Variants in MCOLN3 observed in about 807,000 individuals in gnomAD.
MCOLN3 encodes the protein mucolipin-3.
MCOLN3 carries 62 observed loss-of-function variants against 69.4 expected under a neutral mutation model. The ratio of observed to expected loss-of-function variants is 0.89; its 90% CI spans 0.73 to 1.10. The LOEUF is 1.10. MCOLN3 is among the 50% of genes least tolerant of loss of function. The pLI is 0.00. For missense variants in MCOLN3, 564 were observed against 656.4 expected (o/e 0.86, Z 1.54); for synonymous variants, 183 against 217.0 (o/e 0.84, Z 1.38).
At chr1:85,033,086 T>C in intron 4 of MCOLN3, 130 bp from the exon 5 acceptor site, 1 of 845,566 alleles carries the variant, frequency 1.2e-6, no homozygotes, top group East Asian at 2.6e-5. Context: ...TGAATTAAAA[T>C]TTTAAAAGCT....
rs774693746 is a variant in MCOLN3 at position 85,029,173 on chromosome 1, T to A, written c.765A>T (p.Arg255Ser). Residue 255 changes from arginine to serine, a missense_variant, in exon 7 of 13, where the codon AGA (arginine) becomes AGT (serine). Physicochemically the swap from Arg to Ser is moderately radical, Grantham distance 110. Coordinates refer to ENST00000370589, the MANE Select transcript of MCOLN3 (RefSeq NM_018298.11). ...TGTCATTATCTAAACTTATTTTAAT[T>A]CTTCCACTATGGGCCTTGTTGTCAA... is the stretch of plus-strand genomic sequence containing the variant. ...ITFDNKAHSG[R>S]IKISLDNDIS... 1 of 1,605,458 alleles carries A rather than the reference T, an allele frequency of 6.2e-7. No individual in the cohort carries two copies. Among genetic ancestry groups the A allele is most frequent in the South Asian group, 1.1e-5 (1 of 90,880 alleles).
At chr1:85,048,225 C>A (rs1052507199) in intron 1 of MCOLN3, among the ~76,000 whole-genome samples, 171 bp downstream of exon 1, 1 of 151,958 alleles carries the variant, frequency 6.6e-6, no homozygotes, top group Non-Finnish European at 1.5e-5. Flanking sequence ...ACAGCTGCAT[C>A]TCGCGCCCAG....
intron 2 of MCOLN3, 42 bp from the exon 3 acceptor site, chr1:85,041,219 G>C (rs777225180): frequency 1.9e-6 from 3 of 1,561,400 alleles, no homozygotes; most frequent in South Asian, 2.4e-5. Flanking sequence ...TGGAAAATGT[G>C]GGCAGAAAAA....
At position 85,018,982 on chromosome 1, in the gene MCOLN3, AAC is replaced by A. The variant is rs567717223; in HGVS notation, c.*139_*140del. ...ATTAAATATTGCTTTTAAAAATATA[AAC>A]AGTTATTGGTGAATTATAGGTCTCA... On this transcript the variant is annotated 3_prime_UTR_variant, in exon 13 of 13. Coordinates refer to ENST00000370589, the MANE Select transcript of MCOLN3 (RefSeq NM_018298.11). 80 of 726,152 alleles carry A rather than the reference AAC, an allele frequency of 1.1e-4. No homozygotes were observed. The East Asian group carries it at 1.9e-3, about 17-fold the overall frequency. The allele number at this position is 726,152 out of a possible 1,614,324, so 45.0% of individuals were successfully genotyped here.
intron 3 of MCOLN3, 121 bp downstream of exon 3, chr1:85,040,889 T>C (rs2102941210): frequency 1.1e-6 from 1 of 925,632 alleles, no homozygotes; most frequent in Non-Finnish European, 1.6e-6. Context: ...TTTGTATGTG[T>C]CATTTCCAAG....
At chr1:85,045,396 C>T in intron 1 of MCOLN3, 34 bp from the exon 2 acceptor site, 5 of 1,515,960 alleles carry the variant, frequency 3.3e-6, no homozygotes, top group Non-Finnish European at 4.5e-6. Flanking sequence ...CAACAACCAA[C>T]ATTTCCATTT....
intron 1 of MCOLN3, chr1:85,047,654 G>C (rs1379936361): frequency 6.6e-6 from 1 of 152,262 alleles, no homozygotes; most frequent in East Asian, 1.9e-4. Context: ...AATAGCAAAG[G>C]CCTCCCAGTT....
In MCOLN3 at chr1:85,026,094, G is replaced by T. The variant is rs767607198; in HGVS notation, c.946-6C>A. Reference sequence around the variant, plus strand: ...AGGAAAAAATTGACAAACTCCTTTAGGGAAAAGAGGGGAGGCACAGTGAAT... The same window carrying T: ...AGGAAAAAATTGACAAACTCCTTTATGGAAAAGAGGGGAGGCACAGTGAAT... On this transcript the variant is annotated splice_region_variant and splice_polypyrimidine_tract_variant and intron_variant, in intron 8 of 12. Coordinates refer to ENST00000370589, the MANE Select transcript of MCOLN3 (RefSeq NM_018298.11). 6.2e-7 allele frequency: 1 copy of T among 1,608,610 alleles called. No individual in the cohort carries two copies. Among genetic ancestry groups the T allele is most frequent in the Non-Finnish European group, 8.5e-7 (1 of 1,177,334 alleles).
At chr1:85,025,545 C>A (rs75110286) in intron 9 of MCOLN3, 115 of 176,648 alleles carry the variant, frequency 6.5e-4, no homozygotes, top group African/African-American at 2.7e-3. Flanking sequence ...TCCCCTATAG[C>A]CCCACTCATT....
intron 2 of MCOLN3, among the ~76,000 whole-genome samples, chr1:85,043,789 G>C (rs542753813): frequency 1.3e-5 from 2 of 151,676 alleles, no homozygotes; most frequent in African/African-American, 4.8e-5. Context: ...TAATATAATA[G>C]AGAGAATGCC....
At chr1:85,033,550 T>C (rs542866392) in intron 4 of MCOLN3, among the ~76,000 whole-genome samples, 8 of 152,336 alleles carry the variant, frequency 5.3e-5, no homozygotes, top group African/African-American at 1.2e-4. Flanking sequence ...TTAGGCATAA[T>C]TGCAAATAGA....
chr1:85,033,249 A>G (rs894257463), intron 4 of MCOLN3, among the ~76,000 whole-genome samples: 11 of 152,132 alleles, frequency 7.2e-5, no homozygotes, highest in African/African-American at 2.7e-4. Context: ...GCCTAGATAA[A>G]CTTTGAGTCC....
rs776012071 is a variant in MCOLN3, at chr1:85,021,291, GA to G, written c.1321-16del. 6.3e-7 allele frequency: 1 copy of G among 1,598,632 alleles called. No individual in the cohort carries two copies. Among genetic ancestry groups the G allele is most frequent in the Non-Finnish European group, 8.5e-7 (1 of 1,171,704 alleles). ...AGAGAACGAAACTGGAAAAAGAAAA[GA>G]GAAAAGTTCACTTTATTCCATGTTC... On this transcript the variant is annotated splice_polypyrimidine_tract_variant and intron_variant, in intron 11 of 12. Coordinates refer to ENST00000370589, the MANE Select transcript of MCOLN3 (RefSeq NM_018298.11).
Position 85,041,067 on chromosome 1 carries a change from T to A in MCOLN3, c.339A>T (p.Thr113=). ...CGTCACTTTGTGTGTACACTGCATATGTGTCATCCATTCGGTCCATATATC... is the reference window on the plus strand; with the variant it reads ...CGTCACTTTGTGTGTACACTGCATAAGTGTCATCCATTCGGTCCATATATC... ...LKGYMDRMDD[T]YAVYTQSDVY... The change falls in exon 3 of 13, where the codon ACA becomes ACT. Residue 113 remains threonine (T), a synonymous_variant. Transcript: ENST00000370589. 1 of 1,614,126 alleles carries A rather than the reference T, an allele frequency of 6.2e-7. No homozygotes were observed. The highest frequency in any genetic ancestry group is 1.3e-5 in the African/African-American group (1 of 75,058).
At chr1:85,038,961 C>T (rs556671346) in intron 3 of MCOLN3, among the ~76,000 whole-genome samples, 28 of 152,142 alleles carry the variant, frequency 1.8e-4, no homozygotes, top group South Asian at 1.0e-3. Context: ...CGCCACTGCA[C>T]TTCAGCCTGG....
At chr1:85,033,465 A>G (rs1397790066) in intron 4 of MCOLN3, among the ~76,000 whole-genome samples, 1 of 151,748 alleles carries the variant, frequency 6.6e-6, no homozygotes, top group Non-Finnish European at 1.5e-5. Flanking sequence ...TTATCTCTAG[A>G]AAAAAAAATC....
rs761462435 is a variant in MCOLN3 at position 85,032,717 on chromosome 1, G to T, written c.711C>A (p.Asp237Glu). ...LQTVRHQELP[D>E]CYDFTLTITF... ...TTACAGTCAGAGTAAAGTCATAACA[G>T]TCAGGGAGTTCTTGATGACGAACTG... Residue 237 changes from aspartate to glutamate, a missense_variant, in exon 6 of 13, where the codon GAC (aspartate) becomes GAA (glutamate). Transcript: ENST00000370589. 70 of 1,613,728 alleles carry T rather than the reference G, an allele frequency of 4.3e-5. No homozygotes were observed. The South Asian group carries it at 6.8e-4, about 16-fold the overall frequency.
In MCOLN3 at chr1:85,041,188, A is replaced by T; in HGVS notation, c.229-11T>A. On this transcript the variant is annotated splice_polypyrimidine_tract_variant and intron_variant, in intron 2 of 12. Transcript: ENST00000370589. ...CCCAAATAAGACCAGCTTAAAAGAA[A>T]AAAAAGAAAAGGTAAGAGGGTGGAA... 2.6e-5 allele frequency: 42 copies of T among 1,609,026 alleles called. No individual in the cohort carries two copies. Among genetic ancestry groups the T allele is most frequent in the Non-Finnish European group, 3.4e-5 (40 of 1,178,254 alleles).
chr1:85,043,112 G>T (rs537851629), intron 2 of MCOLN3, among the ~76,000 whole-genome samples: 2 of 152,162 alleles, frequency 1.3e-5, no homozygotes, highest in Non-Finnish European at 2.9e-5. Context: ...ATAAATCTGA[G>T]TTTGAATATC....
Sources: gnomAD v4.1 joint callset for allele counts (sites outside exome capture counted in the v4.1 genomes callset) on GRCh38, gnomAD v4.1.1 for gene constraint, MANE v1.5 for transcripts, NCBI Gene and HGNC (gene_info 2026-07-23, HGNC 2026-07-21) for gene names.